The following TACR1 variants were observed in gnomAD, a reference collection of about 807,000 sequenced individuals.
The protein encoded by TACR1 is substance-P receptor.
A neutral mutation model predicts 35.8 loss-of-function variants in TACR1; 25 were observed. The observed-to-expected ratio is 0.70, with a 90% CI of 0.51 to 0.98. The LOEUF (loss-of-function observed/expected upper bound fraction) is 0.98, where lower values mean the gene tolerates loss of function less well. Ranked by LOEUF, TACR1 falls within the 50% of genes least tolerant of loss-of-function variation. The pLI is 0.00. For missense variants in TACR1, 478 were observed against 522.9 expected (o/e 0.91, Z 0.84); for synonymous variants, 195 against 206.7 (o/e 0.94, Z 0.48).
At chr2:75,101,174 T>C (rs976746566) in intron 2 of TACR1, among the ~76,000 whole-genome samples, 3 of 151,916 alleles carry the variant, frequency 2.0e-5, no homozygotes, top group Non-Finnish European at 4.4e-5. Flanking sequence ...AAGATAAGAA[T>C]ATAATAGAAA....
intron 1 of TACR1, among the ~76,000 whole-genome samples, chr2:75,146,781 CT>C (rs1674525736): frequency 6.6e-6 from 1 of 152,088 alleles, no homozygotes; most frequent in Admixed American, 6.6e-5. Context: ...CTGTAAAATG[CT>C]TTTTAAACTA....
chr2:75,186,371 C>CAAAAAAAAAA (rs373147504), intron 1 of TACR1, among the ~76,000 whole-genome samples: 21 of 81,756 alleles, frequency 2.6e-4, no homozygotes, highest in African/African-American at 3.3e-4. Context: ...GACTCTGTCT[C>CAAAAAAAAAA]AAAAAAAAAA....
At chr2:75,196,530 CT>C (rs1356383509) in intron 1 of TACR1, among the ~76,000 whole-genome samples, 2 of 152,100 alleles carry the variant, frequency 1.3e-5, no homozygotes, top group Non-Finnish European at 2.9e-5. Context: ...CATCCGAGAC[CT>C]TTTGGTCTCA....
At chr2:75,110,412 A>G (rs1047806116) in intron 2 of TACR1, among the ~76,000 whole-genome samples, 2 of 152,056 alleles carry the variant, frequency 1.3e-5, no homozygotes, top group African/African-American at 4.8e-5. Context: ...ATTATTTTAA[A>G]TTGCAGAAAA....
At chr2:75,111,969 C>T (rs1004313516) in intron 2 of TACR1, among the ~76,000 whole-genome samples, 1 of 151,922 alleles carries the variant, frequency 6.6e-6, no homozygotes, top group East Asian at 1.9e-4. Flanking sequence ...AGGAAACCCT[C>T]TCAAAGGCTC....
intron 2 of TACR1, among the ~76,000 whole-genome samples, chr2:75,072,276 C>A (rs1486384640): frequency 6.6e-6 from 1 of 152,108 alleles, no homozygotes; most frequent in East Asian, 1.9e-4. Context: ...GTCAAGGATG[C>A]AGGACGGGAT....
chr2:75,134,163 C>T (rs377149752), intron 1 of TACR1, among the ~76,000 whole-genome samples: 1 of 152,216 alleles, frequency 6.6e-6, no homozygotes, highest in Admixed American at 6.5e-5. Context: ...TGGGGCTGCT[C>T]TGCCTGTGGA....
At chr2:75,076,558 A>G (rs1430522777) in intron 2 of TACR1, among the ~76,000 whole-genome samples, 3 of 152,288 alleles carry the variant, frequency 2.0e-5, no homozygotes, top group African/African-American at 2.4e-5. Flanking sequence ...GCTTGGAAAC[A>G]TGGAAGGGGC....
chr2:75,182,696 C>G (rs1206513157), intron 1 of TACR1, among the ~76,000 whole-genome samples: 2 of 152,164 alleles, frequency 1.3e-5, no homozygotes, highest in Non-Finnish European at 2.9e-5. Flanking sequence ...CAATTACATG[C>G]TGTACAGGTT....
chr2:75,190,768 C>A (rs554292573), intron 1 of TACR1, among the ~76,000 whole-genome samples: 1 of 152,246 alleles, frequency 6.6e-6, no homozygotes, highest in East Asian at 1.9e-4. Flanking sequence ...AGTGGTAGAA[C>A]CAGCACTGGA....
chr2:75,190,129 CTG>C (rs1675807189), intron 1 of TACR1, among the ~76,000 whole-genome samples: 1 of 152,138 alleles, frequency 6.6e-6, no homozygotes, highest in African/African-American at 2.4e-5. Context: ...CTAAAAAACA[CTG>C]TAACTTCAAC....
At chr2:75,145,721 G>A (rs1674496171) in intron 1 of TACR1, among the ~76,000 whole-genome samples, 1 of 152,190 alleles carries the variant, frequency 6.6e-6, no homozygotes, top group South Asian at 2.1e-4. Flanking sequence ...AGAAATTTGA[G>A]TAAGCAAAGA....
chr2:75,072,531 T>A (rs1272779864), intron 2 of TACR1, among the ~76,000 whole-genome samples: 4 of 152,218 alleles, frequency 2.6e-5, no homozygotes, highest in African/African-American at 9.6e-5. Context: ...ACCCTAACCC[T>A]AAGCCTAACC....
intron 2 of TACR1, among the ~76,000 whole-genome samples, chr2:75,089,322 C>A (rs536124518): frequency 1.3e-5 from 2 of 152,360 alleles, no homozygotes; most frequent in South Asian, 4.1e-4. Context: ...CCTCCACTGG[C>A]AGCCCCTGCC....
chr2:75,072,909 C>CA (rs1672908103), intron 2 of TACR1, among the ~76,000 whole-genome samples: 2 of 152,236 alleles, frequency 1.3e-5, no homozygotes, highest in South Asian at 4.1e-4. Flanking sequence ...AGATTTTTTT[C>CA]AGTCTCTTAT....
At chr2:75,170,517 A>G (rs1675251784) in intron 1 of TACR1, among the ~76,000 whole-genome samples, 1 of 152,186 alleles carries the variant, frequency 6.6e-6, no homozygotes. Flanking sequence ...AAAATGTGGA[A>G]GCCACTTTGG....
chr2:75,176,012 CAAAAAAAAAA>C (rs34884122), intron 1 of TACR1, among the ~76,000 whole-genome samples: 32 of 109,568 alleles, frequency 2.9e-4, no homozygotes, highest in African/African-American at 8.4e-4. Flanking sequence ...TTGAGCTGTC[CAAAAAAAAAA>C]AAAAAAAAAA....
chr2:75,088,701 C>A (rs1454610891), intron 2 of TACR1, among the ~76,000 whole-genome samples: 1 of 152,054 alleles, frequency 6.6e-6, no homozygotes, highest in East Asian at 1.9e-4. Context: ...TGCTTTAGAC[C>A]ACAATCACCA....
intron 2 of TACR1, among the ~76,000 whole-genome samples, chr2:75,057,398 C>T (rs1672590067): frequency 1.3e-5 from 2 of 152,148 alleles, no homozygotes; most frequent in South Asian, 4.1e-4. Context: ...TCTTTTTGGA[C>T]TCAGCCCGCC....
Sources: gnomAD v4.1 joint callset for allele counts (sites outside exome capture counted in the v4.1 genomes callset) on GRCh38, gnomAD v4.1.1 for gene constraint, MANE v1.5 for transcripts, NCBI Gene and HGNC (gene_info 2026-07-23, HGNC 2026-07-21) for gene names.